TMEM9B: variants seen among roughly 807,000 people sequenced by gnomAD.
TMEM9B encodes transmembrane protein 9B.
In TMEM9B, 8 loss-of-function variants were observed where a neutral mutation model predicts 23.5. The observed-to-expected ratio is 0.34, with a 90% confidence interval of 0.20 to 0.61. TMEM9B has a LOEUF of 0.61. Ranked by LOEUF, TMEM9B falls within the 20% of genes least tolerant of loss-of-function variation. The pLI is 0.78. For synonymous variants in TMEM9B, 106 were observed against 96.3 expected (o/e 1.10, Z -0.59); for missense variants, 197 against 252.3 (o/e 0.78, Z 1.49).
rs775652256 is a variant in TMEM9B at position 8,948,497 on chromosome 11, A to T, written c.442-22T>A. 1.9e-6 allele frequency: 3 copies of T among 1,611,044 alleles called. No individual in the cohort carries two copies. In the South Asian group the frequency reaches 3.3e-5, roughly 18 times the overall value. On this transcript the variant is annotated intron_variant, in intron 4 of 4. Coordinates refer to ENST00000534025, the MANE Select transcript of TMEM9B (RefSeq NM_020644.3). Reference sequence around the variant, plus strand: ...GATCCTAAAAGTCCAGGAATGGAGAACATTAGAGATGGCACAGTCAGTGTA... The same window carrying T: ...GATCCTAAAAGTCCAGGAATGGAGATCATTAGAGATGGCACAGTCAGTGTA...
At chr11:8,956,504 T>A (rs2742487) in intron 2 of TMEM9B, among the ~76,000 whole-genome samples, 90,104 of 151,752 alleles carry the variant, frequency 0.59, 27,105 homozygotes, top group East Asian at 0.77. Flanking sequence ...AGCCACAAAG[T>A]CACACATATA....
In TMEM9B at chr11:8,947,928, C is replaced by G. The variant is rs180837410; in HGVS notation, c.*392G>C. On this transcript the variant is annotated 3_prime_UTR_variant, in exon 5 of 5. Coordinates refer to ENST00000534025, the MANE Select transcript of TMEM9B (RefSeq NM_020644.3). ...TAACCACTTCCCAGGCATCCCTCCC[C>G]TCTCCCACCAAAACAAACAAACAAA... The G allele has an allele frequency of 6.3e-6, 1 of 159,434 alleles. No homozygotes were observed. Among genetic ancestry groups the G allele is most frequent in the African/African-American group, 2.4e-5 (1 of 41,468 alleles). 9.9% of individuals were successfully genotyped at this position (159,434 alleles called of 1,614,324 possible). A position where few individuals can be genotyped will look rare whatever the true frequency, so the allele number is the denominator to read the frequency against.
At chr11:8,958,020 A>G (rs1854003993) in intron 2 of TMEM9B, among the ~76,000 whole-genome samples, 1 of 151,850 alleles carries the variant, frequency 6.6e-6, no homozygotes, top group Non-Finnish European at 1.5e-5. Context: ...TTAGCCAGGC[A>G]TGGTGGTGCA....
rs1203810114 is a variant in TMEM9B at position 8,962,158 on chromosome 11, C to T, written c.131G>A (p.Cys44Tyr). The change falls in exon 2 of 5, where the codon TGT (cysteine) becomes TAT (tyrosine). Residue 44 changes from cysteine (C) to tyrosine (Y), a missense_variant. Cys to Tyr is a radical substitution (Grantham distance 194). This residue lies in a region of TMEM9B where 141 missense variants were observed against 214.1 expected (regional missense o/e 0.66). Coordinates refer to ENST00000534025, the MANE Select transcript of TMEM9B (RefSeq NM_020644.3). ...ATTTTCTTTATAGGGAGGGCAGATA[C>T]ATTTACATCTGACATCCTCGAAATT... ...AKNFEDVRCKCICPPYKENSG... is the reference protein window; with the variant it reads ...AKNFEDVRCKYICPPYKENSG... 4 of 1,604,098 alleles carry T rather than the reference C, an allele frequency of 2.5e-6. No homozygotes were observed. The highest frequency in any genetic ancestry group is 2.2e-5 in the East Asian group (1 of 44,490).
chr11:8,953,156 G>A, intron 4 of TMEM9B, 47 bp downstream of exon 4: 4 of 1,613,106 alleles, frequency 2.5e-6, no homozygotes, highest in Non-Finnish European at 3.4e-6. Flanking sequence ...CACATCGAAT[G>A]ATGACAGGGA....
At chr11:8,953,139 T>G (rs1452990943) in intron 4 of TMEM9B, 64 bp downstream of exon 4, 2 of 1,606,526 alleles carry the variant, frequency 1.2e-6, no homozygotes, top group Non-Finnish European at 1.7e-6. Context: ...ATTTTTCACT[T>G]GCACTTCACA....
At chr11:8,959,422 C>G (rs1187857828) in intron 2 of TMEM9B, among the ~76,000 whole-genome samples, 2 of 152,120 alleles carry the variant, frequency 1.3e-5, no homozygotes, top group Non-Finnish European at 2.9e-5. Flanking sequence ...ATAAAAAAAA[C>G]AGAAAGGACC....
intron 1 of TMEM9B, among the ~76,000 whole-genome samples, chr11:8,963,369 T>G (rs1589949738): frequency 1.3e-5 from 2 of 152,368 alleles, no homozygotes; most frequent in East Asian, 3.9e-4. Flanking sequence ...TTTCCCATCA[T>G]ACTAATGTGA....
At chr11:8,954,372 C>T (rs1853937054) in intron 3 of TMEM9B, among the ~76,000 whole-genome samples, 1 of 151,926 alleles carries the variant, frequency 6.6e-6, no homozygotes, top group Admixed American at 6.6e-5. Flanking sequence ...TCACTGCAAC[C>T]TCTGCCTCCA....
chr11:8,958,074 G>A lies in TMEM9B; in HGVS notation c.198-1776C>T, dbSNP rs369379539. ...CTCAGGAGGCTGAGACTTGAGAATC[G>A]CTTGAACCTGGGAGGTGGAGGTTAC... On this transcript the variant is annotated intron_variant, in intron 2 of 4. Coordinates refer to ENST00000534025, the MANE Select transcript of TMEM9B (RefSeq NM_020644.3). Among the ~76,000 whole-genome samples, 18 of 144,636 alleles carry A rather than the reference G, an allele frequency of 1.2e-4. No individual in the cohort carries two copies. The East Asian group carries it at 3.0e-3, about 24-fold the overall frequency. 94.9% of individuals were successfully genotyped at this position (144,636 alleles called of 152,430 possible).
chr11:8,953,308 C>G lies in TMEM9B; in HGVS notation c.336G>C (p.Leu112Phe). 1 of 1,613,646 alleles carries G rather than the reference C, an allele frequency of 6.2e-7. No homozygotes were observed. Among genetic ancestry groups the G allele is most frequent in the East Asian group, 2.2e-5 (1 of 44,870 alleles). Reference protein sequence around the residue: ...KVTIIIYLSILGLLLLYMVYL... With the variant: ...KVTIIIYLSIFGLLLLYMVYL... ...ATACCATGTACAGAAGTAGAAGGCC[C>G]AAAATGGAGAGATAAATTATAATGG... The change falls in exon 4 of 5, where the codon TTG (leucine) becomes TTC (phenylalanine). Residue 112 changes from leucine (L) to phenylalanine (F), a missense_variant. Leu to Phe is a conservative substitution (Grantham distance 22, BLOSUM62 0). Transcript: ENST00000534025.
intron 2 of TMEM9B, among the ~76,000 whole-genome samples, chr11:8,961,546 C>G (rs1411642800): frequency 6.6e-6 from 1 of 152,220 alleles, no homozygotes; most frequent in Non-Finnish European, 1.5e-5. Flanking sequence ...ACAGGCCTGC[C>G]TGACTGCCCA....
intron 1 of TMEM9B, among the ~76,000 whole-genome samples, chr11:8,963,665 T>C (rs1051653664): frequency 2.0e-5 from 3 of 152,144 alleles, no homozygotes; most frequent in Non-Finnish European, 2.9e-5. Flanking sequence ...CCGTAGGCCC[T>C]ATTGGGAGGG....
chr11:8,950,076 A>G (rs1853847120), intron 4 of TMEM9B, among the ~76,000 whole-genome samples: 1 of 151,994 alleles, frequency 6.6e-6, no homozygotes, highest in Non-Finnish European at 1.5e-5. Context: ...ACAAATGAAA[A>G]TAATAAAGGC....
At chr11:8,950,989 C>T (rs893676682) in intron 4 of TMEM9B, among the ~76,000 whole-genome samples, 1 of 152,086 alleles carries the variant, frequency 6.6e-6, no homozygotes, top group African/African-American at 2.4e-5. Flanking sequence ...GTCAGAAAAC[C>T]TCTCTGCCTA....
At chr11:8,963,040 G>A (rs1305897876) in intron 1 of TMEM9B, among the ~76,000 whole-genome samples, 1 of 152,308 alleles carries the variant, frequency 6.6e-6, no homozygotes, top group African/African-American at 2.4e-5. Flanking sequence ...GTTAGATCTT[G>A]TGCTCAATAA....
intron 3 of TMEM9B, 135 bp downstream of exon 3, chr11:8,956,055 G>A: frequency 1.6e-6 from 1 of 638,106 alleles, no homozygotes; most frequent in South Asian, 2.2e-5. Flanking sequence ...CCATGTCAGT[G>A]AGGCAGGCAG....
intron 4 of TMEM9B, 146 bp from the exon 5 acceptor site, chr11:8,948,621 C>T (rs1853819890): frequency 1.2e-6 from 1 of 860,964 alleles, no homozygotes; most frequent in Middle Eastern, 3.6e-4. Context: ...CTCCTAAGCG[C>T]TCAACTACCA....
In TMEM9B at chr11:8,964,390, C is replaced by G; in HGVS notation, c.-77G>C. 3 of 1,518,748 alleles carry G rather than the reference C, an allele frequency of 2.0e-6. No homozygotes were observed. The highest frequency in any genetic ancestry group is 2.6e-6 in the Non-Finnish European group (3 of 1,135,730). 94.1% of individuals were successfully genotyped at this position (1,518,748 alleles called of 1,614,324 possible). Reference sequence around the variant, plus strand: ...GCTCGGGCTCAGGCTCAGGCTCAGGCTCAGGCACAGGCTTGGGACCCGGCT... The same window carrying G: ...GCTCGGGCTCAGGCTCAGGCTCAGGGTCAGGCACAGGCTTGGGACCCGGCT... On this transcript the variant is annotated 5_prime_UTR_variant, in exon 1 of 5. Transcript: ENST00000534025.
Sources: allele counts gnomAD v4.1 joint callset (sites outside exome capture counted in the v4.1 genomes callset), GRCh38; gene constraint gnomAD v4.1.1; regional missense constraint gnomAD v4.1.1; transcripts MANE v1.5; gene names NCBI Gene and HGNC (gene_info 2026-07-23, HGNC 2026-07-21).